The following TGM4 variants were observed in gnomAD, a reference collection of about 807,000 sequenced individuals.
TGM4 encodes the protein protein-glutamine gamma-glutamyltransferase 4.
TGM4 carries 61 observed loss-of-function variants against 76.3 expected under a neutral mutation model. That is an observed-to-expected ratio of 0.80 (90% CI 0.65 to 0.99). TGM4 has a LOEUF of 0.99. Among genes scored for constraint, TGM4 ranks in the 50% least tolerant of loss-of-function variants. The probability of loss-of-function intolerance (pLI) is 0.00; values close to 1 mark genes in which losing one functional copy is unlikely to be tolerated. For missense variants in TGM4, 794 were observed against 843.2 expected, an observed-to-expected ratio of 0.94 and a Z score of 0.72; for synonymous variants, 337 against 329.8, an observed-to-expected ratio of 1.02 and a Z score of -0.24.
At chr3:44,912,439 T>C (rs996846385) in intron 13 of TGM4, among the ~76,000 whole-genome samples, 1 of 152,212 alleles carries the variant, frequency 6.6e-6, no homozygotes, top group Non-Finnish European at 1.5e-5. Flanking sequence ...GTCTCTGGAC[T>C]CTTTAATTTG....
chr3:44,901,285 T>A (rs1699848899), intron 6 of TGM4, among the ~76,000 whole-genome samples: 1 of 152,168 alleles, frequency 6.6e-6, no homozygotes, highest in Non-Finnish European at 1.5e-5. Flanking sequence ...GTAATGATCA[T>A]CATTTTACAA....
chr3:44,910,698 A>C (rs566761122), intron 11 of TGM4, among the ~76,000 whole-genome samples: 1 of 152,342 alleles, frequency 6.6e-6, no homozygotes, highest in East Asian at 1.9e-4. Context: ...TACCCAAGGC[A>C]CAGTGTTGGG....
At chr3:44,893,847 G>A (rs1298459943) in intron 5 of TGM4, 152 bp downstream of exon 5, 1 of 730,738 alleles carries the variant, frequency 1.4e-6, no homozygotes, top group Non-Finnish European at 2.4e-6. Context: ...ATAGAGGGGT[G>A]ACCTGCCTAG....
intron 13 of TGM4, 60 bp downstream of exon 13, chr3:44,911,466 T>C: frequency 1.9e-6 from 3 of 1,578,302 alleles, no homozygotes; most frequent in South Asian, 1.1e-5. Context: ...TGCACATGTG[T>C]GCATATTCCT....
chr3:44,903,560 A>G (rs1246848555), intron 8 of TGM4: 2 of 321,752 alleles, frequency 6.2e-6, no homozygotes, highest in African/African-American at 2.1e-5. Flanking sequence ...CAAGACAGAT[A>G]AGATTTAGTT....
intron 4 of TGM4, among the ~76,000 whole-genome samples, chr3:44,891,438 C>A: frequency 7.6e-6 from 1 of 130,772 alleles, no homozygotes; most frequent in South Asian, 3.1e-4. Context: ...CAACCTATAC[C>A]CTTTATCATC....
intron 6 of TGM4, among the ~76,000 whole-genome samples, chr3:44,898,000 G>A (rs370649937): frequency 5.9e-5 from 9 of 152,060 alleles, no homozygotes; most frequent in South Asian, 2.1e-4. Context: ...GGCAGAGGAC[G>A]GCCGGGCGTG....
At chr3:44,889,553 A>AT (rs1413444593) in intron 3 of TGM4, among the ~76,000 whole-genome samples, 4 of 152,170 alleles carry the variant, frequency 2.6e-5, no homozygotes, top group Non-Finnish European at 5.9e-5. Context: ...CTGAGAGCCT[A>AT]TTGCTCCTAT....
At chr3:44,887,665 A>G (rs759900464) in intron 2 of TGM4, 24 bp from the exon 3 acceptor site, 1 of 1,611,164 alleles carries the variant, frequency 6.2e-7, no homozygotes, top group Non-Finnish European at 8.5e-7. Flanking sequence ...GGCTGGGCCA[A>G]TGTTTTCCTT....
At chr3:44,889,918 G>A (rs1442557686) in intron 3 of TGM4, among the ~76,000 whole-genome samples, 1 of 152,186 alleles carries the variant, frequency 6.6e-6, no homozygotes, top group African/African-American at 2.4e-5. Context: ...CTGAGACTGG[G>A]TAATTTATAA....
chr3:44,878,899 CT>C (rs1435610036), intron 1 of TGM4, among the ~76,000 whole-genome samples: 1 of 152,142 alleles, frequency 6.6e-6, no homozygotes, highest in Non-Finnish European at 1.5e-5. Flanking sequence ...ATTCTTGATT[CT>C]CTCCTTTCAG....
At position 44,896,760 on chromosome 3, in the gene TGM4, C is replaced by T. The variant is rs566013204; in HGVS notation, c.601C>T (p.Leu201Phe). 3.7e-6 allele frequency: 6 copies of T among 1,614,170 alleles called. No homozygotes were observed. In the African/African-American group the frequency reaches 6.7e-5, roughly 18 times the overall value. ...CCISLLTESS[L>F]KPTDRRDPVL... ...CATTTCCCTGCTGACTGAGAGCTCCCTCAAGCCCACAGATAGGAGGGACCC... is the reference window on the plus strand; with the variant it reads ...CATTTCCCTGCTGACTGAGAGCTCCTTCAAGCCCACAGATAGGAGGGACCC... The change falls in exon 6 of 14, where the codon CTC (leucine) becomes TTC (phenylalanine). Residue 201 changes from leucine (L) to phenylalanine (F), a missense_variant. Leu to Phe is a conservative substitution (Grantham distance 22). Transcript: ENST00000296125.
intron 2 of TGM4, among the ~76,000 whole-genome samples, chr3:44,885,840 T>C (rs562178230): frequency 3.4e-4 from 51 of 151,876 alleles, no homozygotes; most frequent in Admixed American, 7.2e-4. Context: ...CATAGCGGGG[T>C]GGGCTGGAGG....
chr3:44,884,029 C>T (rs907492530), intron 1 of TGM4, among the ~76,000 whole-genome samples: 2 of 152,206 alleles, frequency 1.3e-5, no homozygotes, highest in Admixed American at 6.5e-5. Context: ...CCTGGGCCAG[C>T]AGCACAGCGT....
chr3:44,889,510 A>G (rs1699660037), intron 3 of TGM4, among the ~76,000 whole-genome samples: 2 of 152,182 alleles, frequency 1.3e-5, no homozygotes, highest in Non-Finnish European at 2.9e-5. Flanking sequence ...TCTGTCTCAA[A>G]AAAAAGGGGG....
At chr3:44,910,751 G>A (rs193092587) in intron 11 of TGM4, among the ~76,000 whole-genome samples, 1 of 152,300 alleles carries the variant, frequency 6.6e-6, no homozygotes, top group Admixed American at 6.5e-5. Flanking sequence ...TGTCTGTCAT[G>A]GACTCAGGAT....
At chr3:44,892,134 T>A (rs926143960) in intron 4 of TGM4, among the ~76,000 whole-genome samples, 23 of 151,498 alleles carry the variant, frequency 1.5e-4, no homozygotes, top group African/African-American at 5.3e-4. Flanking sequence ...GGCATGCACC[T>A]GTAATCCCAG....
chr3:44,881,058 G>A lies in TGM4; in HGVS notation c.20-4267G>A, dbSNP rs551094620. Among the ~76,000 whole-genome samples, 10 of 146,334 alleles carry A rather than the reference G, an allele frequency of 6.8e-5. No homozygotes were observed. In the South Asian group the frequency reaches 2.1e-3, roughly 30 times the overall value. ...CATAGTAAGACTTCATCACCACTAT[G>A]AAGTGCACTATGGTGCACACCTGTA... is the stretch of plus-strand genomic sequence containing the variant. On this transcript the variant is annotated intron_variant, in intron 1 of 13. Transcript: ENST00000296125.
intron 11 of TGM4, 63 bp downstream of exon 11, chr3:44,910,431 T>C: frequency 6.4e-7 from 1 of 1,555,140 alleles, no homozygotes; most frequent in South Asian, 1.2e-5. Context: ...CTGAAATCCC[T>C]CTTCTCCTCT....
Sources: allele counts gnomAD v4.1 joint callset (sites outside exome capture counted in the v4.1 genomes callset), GRCh38; gene constraint gnomAD v4.1.1; transcripts MANE v1.5; gene names NCBI Gene and HGNC (gene_info 2026-07-23, HGNC 2026-07-21).